DCC: variants seen among roughly 807,000 people sequenced by gnomAD.
The protein encoded by DCC is netrin receptor DCC.
Under a neutral mutation model 172.5 loss-of-function variants are expected in DCC, and 58 were observed. The ratio of observed to expected loss-of-function variants is 0.34; its 90% CI spans 0.27 to 0.42. DCC has a LOEUF of 0.42. Among genes scored for constraint, DCC ranks in the 10% least tolerant of loss-of-function variants. DCC has a pLI of 1.00. For synonymous variants in DCC, 709 were observed against 644.5 expected (o/e 1.10, Z -1.52); for missense variants, 1,740 against 1,791.0 (o/e 0.97, Z 0.51).
chr18:52,667,165 G>C (rs2055067516), intron 1 of DCC, among the ~76,000 whole-genome samples: 1 of 152,152 alleles, frequency 6.6e-6, no homozygotes, highest in Admixed American at 6.5e-5. Flanking sequence ...TTGTGTGCAG[G>C]AAGATTTGAG....
intron 2 of DCC, among the ~76,000 whole-genome samples, chr18:52,838,676 G>A (rs1453649270): frequency 1.3e-5 from 2 of 152,158 alleles, no homozygotes; most frequent in Non-Finnish European, 2.9e-5. Flanking sequence ...CATAAATCAT[G>A]TTCTTTAAAC....
intron 15 of DCC, among the ~76,000 whole-genome samples, chr18:53,361,391 C>G (rs762062944): frequency 6.6e-6 from 1 of 152,150 alleles, no homozygotes; most frequent in African/African-American, 2.4e-5. Flanking sequence ...TCTGAACCAG[C>G]ATTTCCTACT....
In DCC at chr18:52,806,903, A is replaced by T. The variant is rs1228796401; in HGVS notation, c.412+54529A>T. 3.9e-5 allele frequency among the ~76,000 whole-genome samples: 6 copies of T among 152,296 alleles called. No homozygotes were observed. The South Asian group carries it at 1.2e-3, about 32-fold the overall frequency. On this transcript the variant is annotated intron_variant, in intron 2 of 28. Transcript: ENST00000442544. ...CTCAGGCATCCTGTTTCCTAAAGAT[A>T]TGCAGAGTTGGTTAGGTGCAGTGGC...
rs2038636432 is a variant in DCC, at chr18:52,832,634, A to G, written c.413-73410A>G. Among the ~76,000 whole-genome samples, 3 of 152,284 alleles carry G rather than the reference A, an allele frequency of 2.0e-5. No individual in the cohort carries two copies. In the South Asian group the frequency reaches 6.2e-4, roughly 32 times the overall value. ...AGTTTGGTAGACTCTACTATTTAGC[A>G]TAAGTAGCAAACAGACATGAGATAG... is the stretch of plus-strand genomic sequence containing the variant. On this transcript the variant is annotated intron_variant, in intron 2 of 28. Transcript: ENST00000442544.
chr18:53,322,287 C>G, intron 14 of DCC, 130 bp downstream of exon 14: 1 of 692,664 alleles, frequency 1.4e-6, no homozygotes, highest in Non-Finnish European at 2.6e-6. Flanking sequence ...ACATGCAAAA[C>G]ACAACAGGGA....
chr18:52,454,952 A>G (rs1356637640), intron 1 of DCC, among the ~76,000 whole-genome samples: 2 of 151,984 alleles, frequency 1.3e-5, no homozygotes, highest in Non-Finnish European at 2.9e-5. Flanking sequence ...TATTCAAATG[A>G]CTCGTTTTGC....
chr18:53,404,514 G>A (rs1394902124), intron 19 of DCC, among the ~76,000 whole-genome samples: 2 of 151,876 alleles, frequency 1.3e-5, no homozygotes, highest in African/African-American at 4.8e-5. Context: ...GGCAGATTAC[G>A]AGGTCAGGAG....
rs1298571801 is a variant in DCC at position 53,339,693 on chromosome 18, T to C, written c.2165-20T>C. 1 of 1,604,082 alleles carries C rather than the reference T, an allele frequency of 6.2e-7. No individual in the cohort carries two copies. The highest frequency in any genetic ancestry group is 1.1e-5 in the South Asian group (1 of 90,860). On this transcript the variant is annotated intron_variant, in intron 14 of 28. Coordinates refer to ENST00000442544, the MANE Select transcript of DCC (RefSeq NM_005215.4). ...TTTCTGTTATGAGACATGCTGATGA[T>C]GCCTCTTTTTGAATGCTAGAATCTC...
At chr18:52,402,018 G>A (rs1015188898) in intron 1 of DCC, among the ~76,000 whole-genome samples, 1 of 151,934 alleles carries the variant, frequency 6.6e-6, no homozygotes, top group African/African-American at 2.4e-5. Context: ...ATGGTTGACT[G>A]TCTTCAAATC....
At chr18:52,559,523 G>A (rs1394325364) in intron 1 of DCC, among the ~76,000 whole-genome samples, 2 of 152,122 alleles carry the variant, frequency 1.3e-5, no homozygotes, top group East Asian at 1.9e-4. Context: ...ACAAGGCTTA[G>A]CATGCAACAC....
Position 53,110,962 on chromosome 18 carries a change from T to A in DCC, c.1261+44796T>A, listed in dbSNP as rs540320025. 7.9e-3 allele frequency among the ~76,000 whole-genome samples: 952 copies of A among 120,586 alleles called. 20 individuals are homozygous for A. Among genetic ancestry groups the A allele is most frequent in the African/African-American group, 0.029 (876 of 30,736 alleles). The allele number at this position is 120,586 out of a possible 152,430, so 79.1% of individuals were successfully genotyped here. Reference sequence around the variant, plus strand: ...GACACATGCACACGTATGTTTATTGTGGCACTATTCACAATAGCAAAGACT... The same window carrying A: ...GACACATGCACACGTATGTTTATTGAGGCACTATTCACAATAGCAAAGACT... On this transcript the variant is annotated intron_variant, in intron 7 of 28. Coordinates refer to ENST00000442544, the MANE Select transcript of DCC (RefSeq NM_005215.4).
At chr18:52,721,145 G>A (rs2036467783) in intron 1 of DCC, among the ~76,000 whole-genome samples, 1 of 152,128 alleles carries the variant, frequency 6.6e-6, no homozygotes, top group Non-Finnish European at 1.5e-5. Flanking sequence ...GGGCCTCAGT[G>A]CCCATCTGCT....
intron 9 of DCC, among the ~76,000 whole-genome samples, chr18:53,187,945 G>A (rs757441513): frequency 1.3e-5 from 2 of 152,180 alleles, no homozygotes; most frequent in East Asian, 1.9e-4. Flanking sequence ...CTGAGATGGT[G>A]TCACTCATTT....
At chr18:52,564,157 G>A (rs1252652568) in intron 1 of DCC, among the ~76,000 whole-genome samples, 1 of 151,972 alleles carries the variant, frequency 6.6e-6, no homozygotes, top group Non-Finnish European at 1.5e-5. Flanking sequence ...CTTCTCCTTG[G>A]ATTTTCTTGT....
intron 12 of DCC, among the ~76,000 whole-genome samples, chr18:53,279,647 TAAAAA>T (rs34872786): frequency 6.5e-5 from 9 of 139,300 alleles, no homozygotes; most frequent in Admixed American, 1.4e-4. Flanking sequence ...TAAAGTATAA[TAAAAA>T]AAAAAAAAAA....
chr18:52,522,021 G>C (rs1144061), intron 1 of DCC, among the ~76,000 whole-genome samples: 38,470 of 151,982 alleles, frequency 0.25, 5,127 homozygotes, highest in African/African-American at 0.33. Context: ...CTTTGAAAAA[G>C]AGCAATGGAA....
intron 5 of DCC, among the ~76,000 whole-genome samples, chr18:52,977,610 G>A (rs966820854): frequency 6.6e-6 from 1 of 152,146 alleles, no homozygotes; most frequent in African/African-American, 2.4e-5. Context: ...TCTGGGCCGG[G>A]CGCAGTGGCT....
Position 53,530,705 on chromosome 18 carries a change from C to T in DCC, c.*52C>T. ...ATTTTCCGGGAACTTTGCAGCATAC[C>T]AATTACCCATAAACAGCACACCTGT... On this transcript the variant is annotated 3_prime_UTR_variant, in exon 29 of 29. Transcript: ENST00000442544. 2 of 954,514 alleles carry T rather than the reference C, an allele frequency of 2.1e-6. No individual in the cohort carries two copies. Among genetic ancestry groups the T allele is most frequent in the Non-Finnish European group, 3.5e-6 (2 of 577,350 alleles). 59.1% of individuals were successfully genotyped at this position (954,514 alleles called of 1,614,324 possible).
intron 2 of DCC, among the ~76,000 whole-genome samples, chr18:52,865,623 T>A (rs1244703067): frequency 6.6e-6 from 1 of 151,960 alleles, no homozygotes; most frequent in Non-Finnish European, 1.5e-5. Flanking sequence ...TTTTTTTTTT[T>A]ATGTTTGATA....
Sources: gnomAD v4.1 joint callset for allele counts (sites outside exome capture counted in the v4.1 genomes callset) on GRCh38, gnomAD v4.1.1 for gene constraint, MANE v1.5 for transcripts, NCBI Gene and HGNC (gene_info 2026-07-23, HGNC 2026-07-21) for gene names.